The following CCDC83 variants were observed in gnomAD, a reference collection of about 807,000 sequenced individuals.
The protein encoded by CCDC83 is coiled-coil domain-containing protein 83.
In CCDC83, 54 loss-of-function variants were observed where a neutral mutation model predicts 50.1. That is an observed-to-expected ratio of 1.08 (90% CI 0.87 to 1.35). The LOEUF (loss-of-function observed/expected upper bound fraction) is 1.35, where lower values mean the gene tolerates loss of function less well. Among genes scored for constraint, CCDC83 ranks in the 40% most tolerant of loss-of-function variants. CCDC83 has a pLI of 0.00. For synonymous variants in CCDC83, 161 were observed against 153.3 expected (o/e 1.05, Z -0.37); for missense variants, 518 against 473.9 (o/e 1.09, Z -0.86).
At chr11:85,918,303 T>C (rs373344200) in intron 10 of CCDC83, among the ~76,000 whole-genome samples, 34 of 152,286 alleles carry the variant, frequency 2.2e-4, no homozygotes, top group African/African-American at 7.5e-4. Flanking sequence ...ACAAGTACCA[T>C]ATAAGAGTAA....
At chr11:85,902,725 G>A (rs1419008226) in intron 7 of CCDC83, among the ~76,000 whole-genome samples, 1 of 152,056 alleles carries the variant, frequency 6.6e-6, no homozygotes, top group Non-Finnish European at 1.5e-5. Flanking sequence ...ATACTCAGGG[G>A]ATTTGTTCTA....
intron 7 of CCDC83, among the ~76,000 whole-genome samples, chr11:85,907,148 A>G (rs1001677988): frequency 6.6e-6 from 1 of 152,206 alleles, no homozygotes. Context: ...GAACTAATGA[A>G]AATATTTCTC....
chr11:85,893,567 G>T (rs967593636), intron 5 of CCDC83, among the ~76,000 whole-genome samples: 1 of 152,238 alleles, frequency 6.6e-6, no homozygotes, highest in Non-Finnish European at 1.5e-5. Flanking sequence ...TCTGTGGCCT[G>T]TTAAGAACCG....
At chr11:85,863,869 G>A (rs2093191906) in intron 1 of CCDC83, among the ~76,000 whole-genome samples, 1 of 152,132 alleles carries the variant, frequency 6.6e-6, no homozygotes, top group Non-Finnish European at 1.5e-5. Flanking sequence ...AAAGAGGAAG[G>A]GGCACTATAC....
chr11:85,901,541 C>T (rs2093401956), intron 7 of CCDC83, among the ~76,000 whole-genome samples: 1 of 151,210 alleles, frequency 6.6e-6, no homozygotes, highest in African/African-American at 2.4e-5. Flanking sequence ...CCACTGCACT[C>T]CAGCCTGGGC....
chr11:85,912,691 T>A (rs770603988), intron 8 of CCDC83: 1 of 1,612,886 alleles, frequency 6.2e-7, no homozygotes, highest in South Asian at 1.1e-5. Flanking sequence ...ATCCTCGTCA[T>A]CTGCTGCTGC....
chr11:85,910,473 G>C (rs1215255775), intron 7 of CCDC83, among the ~76,000 whole-genome samples: 1 of 152,210 alleles, frequency 6.6e-6, no homozygotes, highest in Non-Finnish European at 1.5e-5. Context: ...GAGGCTGACA[G>C]AAGGACTACT....
At chr11:85,861,998 TAAAAA>T (rs34372795) in intron 1 of CCDC83, among the ~76,000 whole-genome samples, 7,302 of 94,646 alleles carry the variant, frequency 0.077, 271 homozygotes, top group Middle Eastern at 0.14. Flanking sequence ...CCTGTCTCAT[TAAAAA>T]AAAAAAAAAA....
chr11:85,874,444 T>C (rs1410680301), intron 3 of CCDC83, among the ~76,000 whole-genome samples: 1 of 152,228 alleles, frequency 6.6e-6, no homozygotes, highest in African/African-American at 2.4e-5. Context: ...AGCCCATCAT[T>C]TGGAGCCAGA....
intron 1 of CCDC83, among the ~76,000 whole-genome samples, chr11:85,864,765 A>C (rs2093197318): frequency 6.6e-6 from 1 of 152,204 alleles, no homozygotes; most frequent in Non-Finnish European, 1.5e-5. Context: ...AACACTGTGG[A>C]GAAATAAAAT....
At chr11:85,911,530 C>CA (rs1554985805) in intron 8 of CCDC83, 128 bp downstream of exon 8, 61 of 702,874 alleles carry the variant, frequency 8.7e-5, no homozygotes, top group East Asian at 2.7e-4. Context: ...AAGAAAGGGA[C>CA]AAAAAAAATG....
intron 7 of CCDC83, among the ~76,000 whole-genome samples, chr11:85,903,555 G>A (rs1235249260): frequency 1.3e-5 from 2 of 151,582 alleles, no homozygotes; most frequent in South Asian, 2.1e-4. Flanking sequence ...CACCCGCCTC[G>A]GCCTCCAACA....
chr11:85,893,066 T>C (rs557407512), intron 5 of CCDC83, among the ~76,000 whole-genome samples: 2 of 152,268 alleles, frequency 1.3e-5, no homozygotes, highest in East Asian at 3.9e-4. Context: ...CCTTTCTCTC[T>C]CTCTCTACTC....
At chr11:85,905,625 A>G (rs909229562) in intron 7 of CCDC83, among the ~76,000 whole-genome samples, 4 of 151,126 alleles carry the variant, frequency 2.6e-5, no homozygotes, top group Non-Finnish European at 4.4e-5. Context: ...AAATAAAAAA[A>G]AAAAAGGTAT....
chr11:85,914,497 A>T (rs1167911087), intron 8 of CCDC83, among the ~76,000 whole-genome samples: 5 of 152,216 alleles, frequency 3.3e-5, no homozygotes, highest in Admixed American at 3.3e-4. Context: ...ACTAAGCAAA[A>T]GCCAGGACCT....
In CCDC83 at chr11:85,919,456, T is replaced by C; in HGVS notation, c.1188T>C (p.Asp396=). ...AAATTCCAGTCAAACTCTATAAAGA[T>C]GTCAGGAGCCCAGAAAGCCACATCA... is the stretch of plus-strand genomic sequence containing the variant. ...EKEIPVKLYK[D]VRSPESHITY... The change falls in exon 11 of 11, where the codon GAT becomes GAC. Residue 396 remains aspartate (D), a synonymous_variant. Transcript: ENST00000342404. 1 of 1,612,802 alleles carries C rather than the reference T, an allele frequency of 6.2e-7. No individual in the cohort carries two copies. Among genetic ancestry groups the C allele is most frequent in the Non-Finnish European group, 8.5e-7 (1 of 1,179,280 alleles).
intron 7 of CCDC83, among the ~76,000 whole-genome samples, chr11:85,909,295 G>A (rs2093441240): frequency 6.6e-6 from 1 of 152,148 alleles, no homozygotes; most frequent in South Asian, 2.1e-4. Context: ...ACTCTTGGCA[G>A]CTTCTGACAA....
chr11:85,916,205 TA>T lies in CCDC83; in HGVS notation c.1053del (p.Leu351PhefsTer13). The T allele has an allele frequency of 6.2e-7, 1 of 1,611,732 alleles. No homozygotes were observed. On this transcript the variant is annotated frameshift_variant, in exon 10 of 11. Transcript: ENST00000342404. LOFTEE classifies it high-confidence loss of function. ...TEFGDTDMKY[L>X]LYEDEKDFKD... is the part of the protein sequence containing the mutation. ...TTTGGGGACACTGATATGAAGTACT[TA>T]CTATATGAGGATGAGAAGGATTTCA...
In CCDC83 at chr11:85,869,580, G is replaced by A. The variant is rs530842095; in HGVS notation, c.96-3631G>A. Among the ~76,000 whole-genome samples the A allele has an allele frequency of 2.2e-4, 33 of 152,332 alleles. No homozygotes were observed. In the South Asian group the frequency reaches 5.4e-3, roughly 25 times the overall value. On this transcript the variant is annotated intron_variant, in intron 2 of 10. Transcript: ENST00000342404. ...CATTTTAACAATATAGAGAGTGGGG[G>A]AAAGGTGACATATTGTCTTACTAAC... is the stretch of plus-strand genomic sequence containing the variant.
Sources: allele counts gnomAD v4.1 joint callset (sites outside exome capture counted in the v4.1 genomes callset), GRCh38; gene constraint gnomAD v4.1.1; transcripts MANE v1.5; gene names NCBI Gene and HGNC (gene_info 2026-07-23, HGNC 2026-07-21).